CADM2: variants seen among roughly 807,000 people sequenced by gnomAD.
CADM2 encodes immunoglobulin superfamily member 4D.
In CADM2, 12 loss-of-function variants were observed where a neutral mutation model predicts 49.8. That is an observed-to-expected ratio of 0.24 (90% CI 0.15 to 0.39). CADM2 has a LOEUF of 0.39. CADM2 is among the 10% of genes least tolerant of loss of function. The pLI is 1.00. For missense variants in CADM2, 378 were observed against 492.3 expected, an observed-to-expected ratio of 0.77 and a Z score of 2.20; for synonymous variants, 214 against 175.4, an observed-to-expected ratio of 1.22 and a Z score of -1.74.
At chr3:85,651,149 G>T (rs769116270) in intron 1 of CADM2, among the ~76,000 whole-genome samples, 3 of 152,070 alleles carry the variant, frequency 2.0e-5, no homozygotes, top group Admixed American at 1.3e-4. Flanking sequence ...CATAGCTTGA[G>T]TGTAGAATTA....
At chr3:85,184,045 T>C (rs1486556615) in intron 1 of CADM2, among the ~76,000 whole-genome samples, 1 of 152,120 alleles carries the variant, frequency 6.6e-6, no homozygotes, top group African/African-American at 2.4e-5. Flanking sequence ...TCCAGAAAAC[T>C]GTAAGCAGGT....
chr3:85,837,850 T>G (rs1322840848), intron 3 of CADM2, among the ~76,000 whole-genome samples: 1 of 151,696 alleles, frequency 6.6e-6, no homozygotes, highest in Non-Finnish European at 1.5e-5. Context: ...CTAAGTAGTA[T>G]TAGGAAATTA....
chr3:85,833,389 A>G (rs1317074292), intron 3 of CADM2, among the ~76,000 whole-genome samples: 1 of 151,790 alleles, frequency 6.6e-6, no homozygotes, highest in African/African-American at 2.4e-5. Flanking sequence ...TATTTTTTCA[A>G]TTAGTTTCAG....
chr3:85,171,666 C>A (rs932503843), intron 1 of CADM2, among the ~76,000 whole-genome samples: 1 of 152,058 alleles, frequency 6.6e-6, no homozygotes, highest in Non-Finnish European at 1.5e-5. Flanking sequence ...TTGGCAACCC[C>A]CTATCAGTAG....
chr3:85,902,352 C>T (rs1716238635), intron 5 of CADM2, among the ~76,000 whole-genome samples: 2 of 151,606 alleles, frequency 1.3e-5, no homozygotes. Flanking sequence ...CTATTGCTTG[C>T]TGTTTGTATC....
At chr3:85,722,764 C>T (rs72914819) in intron 1 of CADM2, among the ~76,000 whole-genome samples, 5,789 of 152,110 alleles carry the variant, frequency 0.038, 347 homozygotes, top group African/African-American at 0.13. Flanking sequence ...AGTCTTGAGA[C>T]GGGTGAAATT....
At chr3:85,131,975 A>ATGG (rs1359735220) in intron 1 of CADM2, among the ~76,000 whole-genome samples, 7 of 152,170 alleles carry the variant, frequency 4.6e-5, no homozygotes, top group Non-Finnish European at 7.4e-5. Flanking sequence ...CTCCAGAACA[A>ATGG]AGTTTGAAGA....
chr3:85,381,455 TA>T (rs1417140580), intron 1 of CADM2, among the ~76,000 whole-genome samples: 4 of 147,694 alleles, frequency 2.7e-5, no homozygotes, highest in African/African-American at 9.8e-5. Flanking sequence ...AATATATATA[TA>T]AACTGTATAT....
chr3:85,448,658 C>G (rs2037592563), intron 1 of CADM2, among the ~76,000 whole-genome samples: 1 of 152,000 alleles, frequency 6.6e-6, no homozygotes, highest in Non-Finnish European at 1.5e-5. Context: ...TAAGTTTAAA[C>G]AGGTCTGACT....
intron 8 of CADM2, among the ~76,000 whole-genome samples, chr3:86,030,693 C>A (rs183537417): frequency 6.6e-6 from 1 of 151,768 alleles, no homozygotes; most frequent in Non-Finnish European, 1.5e-5. Flanking sequence ...ATAAGGTCAA[C>A]GCTATAAGGG....
chr3:85,611,031 G>A lies in CADM2; in HGVS notation c.62-115491G>A, dbSNP rs1455043131. Reference sequence around the variant, plus strand: ...GGAATTGTCAGACACTACTGATCATGTATATCTGAAAATTCATTTGTTGCC... The same window carrying A: ...GGAATTGTCAGACACTACTGATCATATATATCTGAAAATTCATTTGTTGCC... On this transcript the variant is annotated intron_variant, in intron 1 of 9. Coordinates refer to ENST00000383699, the MANE Select transcript of CADM2 (RefSeq NM_001167675.2). Among the ~76,000 whole-genome samples, 11 of 151,840 alleles carry A rather than the reference G, an allele frequency of 7.2e-5. 1 individual carries two copies. The highest frequency in any genetic ancestry group is 1.6e-4 in the Non-Finnish European group (11 of 67,862).
chr3:85,080,188 C>G (rs544823428), intron 1 of CADM2, among the ~76,000 whole-genome samples: 1 of 152,026 alleles, frequency 6.6e-6, no homozygotes, highest in East Asian at 1.9e-4. Context: ...GGTTCTGTAG[C>G]TGGTCAGACC....
intron 1 of CADM2, among the ~76,000 whole-genome samples, chr3:85,186,963 GT>G (rs564951948): frequency 2.5e-4 from 38 of 152,166 alleles, no homozygotes; most frequent in Admixed American, 2.6e-4. Flanking sequence ...AAACCATGAG[GT>G]TTTTCTGTAT....
intron 3 of CADM2, among the ~76,000 whole-genome samples, chr3:85,835,170 G>A (rs2074352900): frequency 6.6e-6 from 1 of 151,534 alleles, no homozygotes; most frequent in African/African-American, 2.4e-5. Flanking sequence ...CACAGCTCTG[G>A]TATTTTTGCT....
chr3:85,396,020 G>T (rs1426455381), intron 1 of CADM2, among the ~76,000 whole-genome samples: 7 of 148,586 alleles, frequency 4.7e-5, no homozygotes, highest in Non-Finnish European at 1.0e-4. Flanking sequence ...TATTGATTCT[G>T]AATATTATAT....
chr3:85,541,888 A>C (rs1281617820), intron 1 of CADM2, among the ~76,000 whole-genome samples: 3 of 150,716 alleles, frequency 2.0e-5, no homozygotes, highest in Non-Finnish European at 4.4e-5. Flanking sequence ...AAGTAGGCAG[A>C]AAAGCATAAG....
chr3:85,442,370 T>C (rs1389010873), intron 1 of CADM2, among the ~76,000 whole-genome samples: 2 of 151,808 alleles, frequency 1.3e-5, no homozygotes, highest in Non-Finnish European at 2.9e-5. Context: ...CTTGATTGAA[T>C]ATAGCGGAGC....
At chr3:84,987,842 A>G (rs2032661664) in intron 1 of CADM2, among the ~76,000 whole-genome samples, 2 of 152,198 alleles carry the variant, frequency 1.3e-5, no homozygotes. Context: ...CTAATGTACC[A>G]CAACTGTTCT....
chr3:86,021,652 G>T (rs1251170208), intron 8 of CADM2, among the ~76,000 whole-genome samples: 1 of 152,074 alleles, frequency 6.6e-6, no homozygotes, highest in Non-Finnish European at 1.5e-5. Context: ...TAAGTTTATT[G>T]TCCTCCAGGC....
Sources: gnomAD v4.1 joint callset for allele counts (sites outside exome capture counted in the v4.1 genomes callset) on GRCh38, gnomAD v4.1.1 for gene constraint, MANE v1.5 for transcripts, NCBI Gene and HGNC (gene_info 2026-07-23, HGNC 2026-07-21) for gene names.